The following POU2F2 variants were observed in gnomAD, a reference collection of about 807,000 sequenced individuals.
POU2F2 encodes POU class 2 homeobox 2, also known as POU domain, class 2, transcription factor 2.
POU2F2 carries 14 observed loss-of-function variants against 63.5 expected under a neutral mutation model. That is an observed-to-expected ratio of 0.22 (90% confidence interval 0.15 to 0.34). The LOEUF is 0.34. Ranked by LOEUF, POU2F2 falls within the 10% of genes least tolerant of loss-of-function variation. The pLI is 1.00. For synonymous variants in POU2F2, 306 were observed against 348.6 expected (o/e 0.88, Z 1.36); for missense variants, 607 against 815.2 (o/e 0.74, Z 3.11).
At chr19:42,161,089 C>T (rs1241879846) in intron 1 of POU2F2, among the ~76,000 whole-genome samples, 1 of 152,068 alleles carries the variant, frequency 6.6e-6, no homozygotes, top group Non-Finnish European at 1.5e-5. Flanking sequence ...GAAGGAAGAG[C>T]CAATGCCAAC....
intron 5 of POU2F2, among the ~76,000 whole-genome samples, chr19:42,112,281 C>T (rs2031226991): frequency 6.6e-6 from 1 of 152,210 alleles, no homozygotes; most frequent in Admixed American, 6.5e-5. Context: ...TACACTTTCC[C>T]ATCCTCAAGT....
At chr19:42,099,192 A>G in intron 7 of POU2F2, 1 of 275,150 alleles carries the variant, frequency 3.6e-6, no homozygotes, top group East Asian at 8.0e-5. Context: ...TGCAGCCTAA[A>G]GGCTTGCAGC....
rs1568961625 is a variant in POU2F2 at position 42,089,789 on chromosome 19, G to GC, written c.*1467_*1468insG. 12 of 149,548 alleles carry GC rather than the reference G, an allele frequency of 8.0e-5. No individual in the cohort carries two copies. The allele number at this position is 149,548 out of a possible 1,614,324, so 9.3% of individuals were successfully genotyped here. ...TTAAATTTATTGTTTGTTTGTTTCT[G>GC]TTTTTTTGGTTTTCGGTTCAAAACT... is the stretch of plus-strand genomic sequence containing the variant. On this transcript the variant is annotated 3_prime_UTR_variant, in exon 15 of 15. Transcript: ENST00000692977.
chr19:42,170,682 C>A (rs2034745045), intron 1 of POU2F2, among the ~76,000 whole-genome samples: 1 of 152,232 alleles, frequency 6.6e-6, no homozygotes, highest in Admixed American at 6.5e-5. Context: ...CTGACAACTG[C>A]AGATAAATGT....
chr19:42,167,030 T>A (rs181238156), intron 1 of POU2F2, among the ~76,000 whole-genome samples: 1 of 152,188 alleles, frequency 6.6e-6, no homozygotes, highest in African/African-American at 2.4e-5. Context: ...ACACTAGGGA[T>A]ACAACTATGA....
At chr19:42,175,225 T>C (rs1339869156) in intron 1 of POU2F2, among the ~76,000 whole-genome samples, 1 of 152,072 alleles carries the variant, frequency 6.6e-6, no homozygotes. Context: ...GGGGTGGCAC[T>C]AGAACCCAGG....
chr19:42,096,143 T>G lies in POU2F2; in HGVS notation c.668A>C (p.Glu223Ala). Residue 223 changes from glutamate to alanine, a missense_variant, in exon 8 of 15, where the codon GAG (glutamate) becomes GCG (alanine). By Grantham distance (107) the Glu-to-Ala change is moderately radical. This residue lies in a region of POU2F2 where 25 missense variants were observed against 92.3 expected (regional missense o/e 0.27). Transcript: ENST00000692977. This position sits in a 1 kb window ranked among gnomAD's most constrained non-coding sequence, Gnocchi z 4.1. ...GGTGCGGGCGAATTGCTCCAGCTCC[T>G]CCAGATCACTGGGCTCCTCGGGGTG... is the stretch of plus-strand genomic sequence containing the variant. ...PSHPEEPSDL[E>A]ELEQFARTFK... 6.2e-7 allele frequency: 1 copy of G among 1,613,742 alleles called. No individual in the cohort carries two copies. The highest frequency in any genetic ancestry group is 8.5e-7 in the Non-Finnish European group (1 of 1,179,834).
In POU2F2 at chr19:42,132,365, C is replaced by G; in HGVS notation, c.28+19G>C. On this transcript the variant is annotated intron_variant, in intron 1 of 14. Coordinates refer to ENST00000692977, the MANE Select transcript of POU2F2 (RefSeq NM_001394376.1). ...GCTGCCTGTCCTCTGAGCAGTGGCA[C>G]AGGCACCAGCCCCCTTACCTGGAGC... 1 of 1,578,640 alleles carries G rather than the reference C, an allele frequency of 6.3e-7. No individual in the cohort carries two copies. The highest frequency in any genetic ancestry group is 8.6e-7 in the Non-Finnish European group (1 of 1,165,184).
chr19:42,179,115 G>C (rs1034229984), upstream of POU2F2, among the ~76,000 whole-genome samples: 4 of 152,132 alleles, frequency 2.6e-5, no homozygotes, highest in Non-Finnish European at 4.4e-5. Flanking sequence ...GGCAGAGACA[G>C]AGCCCAGGTA....
intron 2 of POU2F2, among the ~76,000 whole-genome samples, chr19:42,141,499 G>A (rs966136613): frequency 5.5e-5 from 2 of 36,350 alleles, no homozygotes; most frequent in Non-Finnish European, 1.2e-4. Context: ...TTTTTTTTTT[G>A]AGAAGGAGTC....
chr19:42,184,629 C>T (rs542068046), intron 1 of POU2F2, among the ~76,000 whole-genome samples: 1 of 152,194 alleles, frequency 6.6e-6, no homozygotes, highest in African/African-American at 2.4e-5. Context: ...CAAGACACAC[C>T]CTTGTCCCTG....
Position 42,159,690 on chromosome 19 carries a change from A to G in POU2F2, c.-9+642T>C, listed in dbSNP as rs541540253. Among the ~76,000 whole-genome samples the G allele has an allele frequency of 3.9e-5, 6 of 152,266 alleles. No homozygotes were observed. The South Asian group carries it at 1.2e-3, about 32-fold the overall frequency. On this transcript the variant is annotated intron_variant, in intron 2 of 6. Coordinates refer to the POU2F2 transcript ENST00000524801. ...CTGGGAGTCTCAGTGGGCTTCAGGG[A>G]GGGGCTTCATAAAACCTTCTTTGTT...
rs781776235 is a variant in POU2F2, at chr19:42,095,819, C to T, written c.840G>A (p.Lys280=). 1.2e-6 allele frequency: 2 copies of T among 1,613,950 alleles called. No individual in the cohort carries two copies. The highest frequency in any genetic ancestry group is 2.7e-5 in the African/African-American group (2 of 74,928). Residue 280 remains lysine, a synonymous_variant, in exon 9 of 15, where the codon AAG becomes AAA. Transcript: ENST00000692977. The surrounding 1 kb of genome is among the most constrained non-coding windows in gnomAD (Gnocchi z 7.1). ...NLSFKNMCKL[K]PLLEKWLNDA... Reference sequence around the variant, plus strand: ...CGTTGAGCCACTTCTCCAGGAGGGGCTTGAGTTTGCACATGTTCTTGAAGC... The same window carrying T: ...CGTTGAGCCACTTCTCCAGGAGGGGTTTGAGTTTGCACATGTTCTTGAAGC...
intron 2 of POU2F2, among the ~76,000 whole-genome samples, chr19:42,145,930 T>A (rs1194488151): frequency 7.0e-6 from 1 of 142,962 alleles, no homozygotes; most frequent in Non-Finnish European, 1.5e-5. Context: ...CGAGACTCTG[T>A]CTCAAAAAAA....
In POU2F2 at chr19:42,092,924, G is replaced by A. The variant is rs2076774878; in HGVS notation, c.1265-654C>T. On this transcript the variant is annotated intron_variant, in intron 12 of 14. Coordinates refer to ENST00000692977, the MANE Select transcript of POU2F2 (RefSeq NM_001394376.1). The surrounding 1 kb of genome is among the most constrained non-coding windows in gnomAD (Gnocchi z 5.0). ...TTTCTAGCCTGGGGAGGGGCAACGTGTTGTTTTATGTGTATATATATTATG... is the reference window on the plus strand; with the variant it reads ...TTTCTAGCCTGGGGAGGGGCAACGTATTGTTTTATGTGTATATATATTATG... Among the ~76,000 whole-genome samples the A allele has an allele frequency of 6.8e-6, 1 of 147,580 alleles. No individual in the cohort carries two copies. The highest frequency in any genetic ancestry group is 6.8e-5 in the Admixed American group (1 of 14,760).
Position 42,092,061 on chromosome 19 carries a change from C to A in POU2F2, c.1466+8G>T, listed in dbSNP as rs2076737277. On this transcript the variant is annotated splice_region_variant and intron_variant, in intron 13 of 14. Coordinates refer to ENST00000692977, the MANE Select transcript of POU2F2 (RefSeq NM_001394376.1). The surrounding 1 kb of genome is among the most constrained non-coding windows in gnomAD (Gnocchi z 5.0). ...TCTCCCCACAGCTTCCCACGTGCAC[C>A]CACTTACCCCGTGCTGGGGTTCAGG... 6.3e-7 allele frequency: 1 copy of A among 1,594,146 alleles called. No individual in the cohort carries two copies. The highest frequency in any genetic ancestry group is 1.3e-5 in the African/African-American group (1 of 74,760).
chr19:42,091,612 C>T, intron 14 of POU2F2, 21 bp from the exon 15 acceptor site: 12 of 1,540,272 alleles, frequency 7.8e-6, no homozygotes, highest in South Asian at 1.2e-5. Flanking sequence ...GAGAGAGAGG[C>T]TGGGCTAAGG....
At position 42,169,877 on chromosome 19, in the gene POU2F2, T is replaced by A. The variant is rs1006835547; in HGVS notation, c.-70+6086A>T. Among the ~76,000 whole-genome samples the A allele has an allele frequency of 6.6e-6, 1 of 151,732 alleles. No individual in the cohort carries two copies. Among genetic ancestry groups the A allele is most frequent in the African/African-American group, 2.4e-5 (1 of 41,296 alleles). On this transcript the variant is annotated intron_variant, in intron 1 of 6. Coordinates refer to the POU2F2 transcript ENST00000524801. This position sits in a 1 kb window ranked among gnomAD's most constrained non-coding sequence, Gnocchi z 4.3. ...TACCTTTTCTCTGTCTCTCTCTCTCTCACACACACACCCTTGCTCATATGT... is the reference window on the plus strand; with the variant it reads ...TACCTTTTCTCTGTCTCTCTCTCTCACACACACACACCCTTGCTCATATGT...
intron 1 of POU2F2, among the ~76,000 whole-genome samples, chr19:42,194,016 A>C (rs1490920750): frequency 2.6e-5 from 4 of 152,250 alleles, no homozygotes; most frequent in Admixed American, 2.6e-4. Context: ...CACAACAGCA[A>C]ACATATGGTA....
Sources: gnomAD v4.1 joint callset for allele counts (sites outside exome capture counted in the v4.1 genomes callset) on GRCh38, gnomAD v4.1.1 for gene constraint, gnomAD v4.1.1 regional missense constraint, Gnocchi (gnomAD v3.1) non-coding constraint, MANE v1.5 for transcripts, NCBI Gene and HGNC (gene_info 2026-07-23, HGNC 2026-07-21) for gene names.